FARS2: variants seen among roughly 807,000 people sequenced by gnomAD.
The protein encoded by FARS2 is phenylalanyl-tRNA synthetase 2, mitochondrial.
FARS2 carries 40 observed loss-of-function variants against 46.4 expected under a neutral mutation model. The observed-to-expected ratio is 0.86, with a 90% confidence interval of 0.67 to 1.12. FARS2 has a LOEUF of 1.12. Ranked by LOEUF, FARS2 falls within the 50% of genes most tolerant of loss-of-function variation. The pLI is 0.00. For missense variants in FARS2, 513 were observed against 567.9 expected (o/e 0.90, Z 0.98); for synonymous variants, 234 against 214.9 (o/e 1.09, Z -0.78).
At chr6:5,391,417 C>T (rs1048074590) in intron 2 of FARS2, among the ~76,000 whole-genome samples, 2 of 152,102 alleles carry the variant, frequency 1.3e-5, no homozygotes, top group East Asian at 1.9e-4. Context: ...AGGTACTAAA[C>T]GGTGTGTAAC....
chr6:5,737,263 T>C (rs988727392), intron 6 of FARS2, among the ~76,000 whole-genome samples: 1 of 152,180 alleles, frequency 6.6e-6, no homozygotes. Context: ...CCGGGCGCAA[T>C]GGCTCACGCC....
At chr6:5,498,691 A>C (rs1767616202) in intron 4 of FARS2, among the ~76,000 whole-genome samples, 1 of 152,144 alleles carries the variant, frequency 6.6e-6, no homozygotes, top group Non-Finnish European at 1.5e-5. Context: ...ATACCTCCTC[A>C]AAGCAGCTGT....
At position 5,630,424 on chromosome 6, in the gene FARS2, G is replaced by A. The variant is rs559048864; in HGVS notation, c.1217+17104G>A. On this transcript the variant is annotated intron_variant, in intron 6 of 6. Coordinates refer to ENST00000274680, the MANE Select transcript of FARS2 (RefSeq NM_006567.5). This position sits in a 1 kb window ranked among gnomAD's most constrained non-coding sequence, Gnocchi z 4.2. Reference sequence around the variant, plus strand: ...TCATGTTTCTTTAAATATCCCACCCGTTGTGTCTTTACTTGTATTTATTCC... The same window carrying A: ...TCATGTTTCTTTAAATATCCCACCCATTGTGTCTTTACTTGTATTTATTCC... 2.6e-5 allele frequency among the ~76,000 whole-genome samples: 4 copies of A among 152,266 alleles called. No individual in the cohort carries two copies. The highest frequency in any genetic ancestry group is 6.5e-5 in the Admixed American group (1 of 15,302).
chr6:5,329,278 C>A (rs955431586), intron 1 of FARS2, among the ~76,000 whole-genome samples: 1 of 152,132 alleles, frequency 6.6e-6, no homozygotes. Flanking sequence ...TGTGCTTTAT[C>A]TTATTCAGTT....
chr6:5,761,043 A>C (rs1762451880), intron 6 of FARS2, among the ~76,000 whole-genome samples: 1 of 152,194 alleles, frequency 6.6e-6, no homozygotes, highest in South Asian at 2.1e-4. Context: ...AAATAATACA[A>C]TGAATGCCCC....
chr6:5,594,060 C>G (rs1774068051), intron 5 of FARS2, among the ~76,000 whole-genome samples: 1 of 152,166 alleles, frequency 6.6e-6, no homozygotes, highest in Non-Finnish European at 1.5e-5. Flanking sequence ...GTTGGGAGTT[C>G]TCTTCTGACA....
chr6:5,410,999 C>T (rs764365527), intron 3 of FARS2, among the ~76,000 whole-genome samples: 5 of 152,114 alleles, frequency 3.3e-5, no homozygotes, highest in African/African-American at 4.8e-5. Context: ...CACAGGCTGA[C>T]TTCTAAGGCC....
intron 3 of FARS2, among the ~76,000 whole-genome samples, chr6:5,430,729 C>G (rs1053836596): frequency 6.6e-6 from 1 of 152,092 alleles, no homozygotes; most frequent in Non-Finnish European, 1.5e-5. Context: ...AACAGAATTA[C>G]TTGCTTTCCC....
chr6:5,299,393 A>G (rs1479921003), intron 1 of FARS2, among the ~76,000 whole-genome samples: 1 of 152,192 alleles, frequency 6.6e-6, no homozygotes, highest in African/African-American at 2.4e-5. Flanking sequence ...GTTTCAAGGA[A>G]TGCTTTGTCT....
intron 6 of FARS2, among the ~76,000 whole-genome samples, chr6:5,668,459 T>C (rs1033280423): frequency 2.0e-5 from 3 of 152,176 alleles, no homozygotes; most frequent in African/African-American, 7.2e-5. Flanking sequence ...CCTGGTCAAA[T>C]AGCCAGAGAA....
Position 5,532,764 on chromosome 6 carries a change from GTAATAA to G in FARS2, c.905-12400_905-12395del, listed in dbSNP as rs113215364. Among the ~76,000 whole-genome samples the G allele has an allele frequency of 6.5e-3, 965 of 148,886 alleles. 8 individuals carry two copies. Among genetic ancestry groups the G allele is most frequent in the African/African-American group, 0.022 (877 of 39,872 alleles). Reference sequence around the variant, plus strand: ...AGACTCTGTTTCAAAAGTAGTAGTAGTAATAATAATAATAATAATAAGAAGAAGAAG... The same window carrying G: ...AGACTCTGTTTCAAAAGTAGTAGTAGTAATAATAATAATAAGAAGAAGAAG... On this transcript the variant is annotated intron_variant, in intron 4 of 6. Transcript: ENST00000274680.
rs973163654 is a variant in FARS2, at chr6:5,343,458, C to T, written c.-21-25092C>T. ...AACTCCTGACCTCAGGTGATCCACC[C>T]GCCTCGGCCTCTGAAAGTGCTGGGA... On this transcript the variant is annotated intron_variant, in intron 1 of 6. Transcript: ENST00000274680. The surrounding 1 kb of genome is among the most constrained non-coding windows in gnomAD (Gnocchi z 4.5). Among the ~76,000 whole-genome samples, 2 of 152,098 alleles carry T rather than the reference C, an allele frequency of 1.3e-5. No homozygotes were observed. The highest frequency in any genetic ancestry group is 1.5e-5 in the Non-Finnish European group (1 of 68,008).
At chr6:5,478,096 T>TAGGC (rs36093021) in intron 4 of FARS2, among the ~76,000 whole-genome samples, 1 of 3,112 alleles carries the variant, frequency 3.2e-4, no homozygotes, top group East Asian at 0.071. Context: ...ATAAAACACT[T>TAGGC]AGTGCTTGGC....
chr6:5,615,640 C>G (rs924530560), intron 6 of FARS2, among the ~76,000 whole-genome samples: 1 of 152,048 alleles, frequency 6.6e-6, no homozygotes, highest in East Asian at 1.9e-4. Flanking sequence ...TTTTTTCCCT[C>G]AATTCTTTTT....
chr6:5,465,646 T>C (rs1765472113), intron 4 of FARS2, among the ~76,000 whole-genome samples: 3 of 152,208 alleles, frequency 2.0e-5, no homozygotes, highest in Admixed American at 2.0e-4. Context: ...TATAGCCATG[T>C]CTCTCTAAGT....
chr6:5,298,909 T>C (rs1408544695), intron 1 of FARS2, among the ~76,000 whole-genome samples: 2 of 152,052 alleles, frequency 1.3e-5, no homozygotes, highest in African/African-American at 2.4e-5. Context: ...TGTCTTTTCT[T>C]AGGGTGTCCT....
intron 4 of FARS2, among the ~76,000 whole-genome samples, chr6:5,525,487 G>C (rs550085812): frequency 2.0e-3 from 311 of 152,278 alleles, no homozygotes; most frequent in African/African-American, 7.1e-3. Context: ...GAGAATTCCA[G>C]CGTGGCATTG....
chr6:5,260,576 C>G (rs1464864207), upstream of FARS2: 6 of 1,518,698 alleles, frequency 4.0e-6, no homozygotes, highest in African/African-American at 7.0e-5. Flanking sequence ...CGGGGATATT[C>G]CGCGTCAGCC....
chr6:5,586,663 C>CT (rs1337927560), intron 5 of FARS2, among the ~76,000 whole-genome samples: 3 of 151,830 alleles, frequency 2.0e-5, no homozygotes, highest in African/African-American at 4.8e-5. Flanking sequence ...TTCTTTCTTT[C>CT]TTTCTTTTGT....
Sources: gnomAD v4.1 joint callset for allele counts (sites outside exome capture counted in the v4.1 genomes callset) on GRCh38, gnomAD v4.1.1 for gene constraint, Gnocchi (gnomAD v3.1) non-coding constraint, MANE v1.5 for transcripts, NCBI Gene and HGNC (gene_info 2026-07-23, HGNC 2026-07-21) for gene names.